Variants in SMOC2 observed in about 807,000 individuals in gnomAD.
SMOC2 encodes the protein SPARC related modular calcium binding 2.
A neutral mutation model predicts 61.4 loss-of-function variants in SMOC2; 39 were observed. That is an observed-to-expected ratio of 0.64 (90% CI 0.49 to 0.83). The LOEUF (loss-of-function observed/expected upper bound fraction) is 0.83, where lower values mean the gene tolerates loss of function less well. SMOC2 is among the 40% of genes least tolerant of loss of function. The pLI is 0.00. For missense variants in SMOC2, 556 were observed against 592.9 expected, an observed-to-expected ratio of 0.94 and a Z score of 0.65; for synonymous variants, 247 against 239.9, an observed-to-expected ratio of 1.03 and a Z score of -0.27.
At chr6:168,664,310 C>A in intron 12 of SMOC2, 199 bp downstream of exon 12, 1 of 600,008 alleles carries the variant, frequency 1.7e-6, no homozygotes, top group Non-Finnish European at 3.0e-6. Context: ...AAATCACCAA[C>A]TTGTTTGAAA....
At chr6:168,524,280 AG>A (rs949012312) in intron 2 of SMOC2, among the ~76,000 whole-genome samples, 1 of 152,256 alleles carries the variant, frequency 6.6e-6, no homozygotes, top group Non-Finnish European at 1.5e-5. Flanking sequence ...TTACTTCATA[AG>A]ATGACTGCAG....
chr6:168,637,594 G>A (rs961328860), intron 9 of SMOC2, among the ~76,000 whole-genome samples: 13 of 152,188 alleles, frequency 8.5e-5, no homozygotes, highest in African/African-American at 1.4e-4. Context: ...GAATGTTTGC[G>A]TTTTCCTTTG....
rs894132590 is a variant in SMOC2 at position 168,566,638 on chromosome 6, C to T, written c.637+17435C>T. 2.6e-5 allele frequency among the ~76,000 whole-genome samples: 4 copies of T among 152,092 alleles called. No individual in the cohort carries two copies. The East Asian group carries it at 7.7e-4, about 29-fold the overall frequency. ...CTGGGACTACAGGCACGTGGCACCA[C>T]ACCCGGCCAATTTTTTGTATTTTTA... On this transcript the variant is annotated intron_variant, in intron 7 of 12. Coordinates refer to ENST00000356284, the MANE Select transcript of SMOC2 (RefSeq NM_001166412.2).
intron 1 of SMOC2, among the ~76,000 whole-genome samples, chr6:168,460,712 A>AC (rs1781702056): frequency 1.3e-5 from 2 of 152,206 alleles, no homozygotes; most frequent in African/African-American, 4.8e-5. Context: ...ACATTTTAAC[A>AC]TTGAAGTTGA....
chr6:168,519,341 A>G (rs1358979607), intron 2 of SMOC2, among the ~76,000 whole-genome samples: 4 of 152,134 alleles, frequency 2.6e-5, no homozygotes, highest in African/African-American at 9.7e-5. Context: ...CCCTGGCTCC[A>G]CCCTTTCCAG....
At chr6:168,663,462 C>T (rs1162577661) in intron 11 of SMOC2, among the ~76,000 whole-genome samples, 2 of 152,202 alleles carry the variant, frequency 1.3e-5, no homozygotes, top group Non-Finnish European at 2.9e-5. Flanking sequence ...ACCCCAGGGA[C>T]GTGAATCCCC....
chr6:168,601,521 C>A (rs955554304), intron 8 of SMOC2, among the ~76,000 whole-genome samples: 14 of 152,146 alleles, frequency 9.2e-5, no homozygotes, highest in African/African-American at 2.7e-4. Context: ...AGTTTCTGTG[C>A]CTAGGTATAG....
At chr6:168,605,406 T>C (rs376014208) in intron 8 of SMOC2, among the ~76,000 whole-genome samples, 7 of 152,268 alleles carry the variant, frequency 4.6e-5, no homozygotes, top group African/African-American at 1.2e-4. Flanking sequence ...TTTTTCCTTA[T>C]ACAAATAAGT....
chr6:168,457,472 C>T (rs574477870), intron 1 of SMOC2, among the ~76,000 whole-genome samples: 39 of 152,310 alleles, frequency 2.6e-4, no homozygotes, highest in South Asian at 6.2e-4. Context: ...TTGTGTTTCC[C>T]GTCGGGTGCC....
intron 9 of SMOC2, among the ~76,000 whole-genome samples, chr6:168,624,563 CAT>C (rs1361338158): frequency 7.3e-6 from 1 of 136,106 alleles, no homozygotes; most frequent in Admixed American, 7.5e-5. Flanking sequence ...CACACACTGA[CAT>C]ACAGAAACAC....
chr6:168,531,328 C>T (rs1454678803), intron 4 of SMOC2, among the ~76,000 whole-genome samples: 2 of 152,180 alleles, frequency 1.3e-5, no homozygotes, highest in African/African-American at 4.8e-5. Context: ...CTTTTGTGCA[C>T]TTTTCTGTAT....
At chr6:168,540,568 G>A (rs1783854914) in intron 4 of SMOC2, among the ~76,000 whole-genome samples, 1 of 152,172 alleles carries the variant, frequency 6.6e-6, no homozygotes, top group African/African-American at 2.4e-5. Flanking sequence ...GGAGCTAGGA[G>A]GGAGGGACGT....
At chr6:168,577,309 T>C (rs1246890949) in intron 7 of SMOC2, among the ~76,000 whole-genome samples, 3 of 152,136 alleles carry the variant, frequency 2.0e-5, no homozygotes, top group Non-Finnish European at 4.4e-5. Context: ...CTCTCTCTCG[T>C]CTCATCTCTG....
At chr6:168,566,140 C>G (rs1395132361) in intron 7 of SMOC2, among the ~76,000 whole-genome samples, 2 of 152,140 alleles carry the variant, frequency 1.3e-5, no homozygotes, top group African/African-American at 4.8e-5. Flanking sequence ...GCGTCTACCA[C>G]CTTGGCCGGC....
At chr6:168,664,003 A>G in intron 11 of SMOC2, 71 bp from the exon 12 acceptor site, 1 of 1,341,396 alleles carries the variant, frequency 7.5e-7, no homozygotes, top group Non-Finnish European at 1.0e-6. Flanking sequence ...CTCCTTCCTG[A>G]AATTGTGTTG....
Position 168,540,772 on chromosome 6 carries a change from C to T in SMOC2, c.464-2853C>T, listed in dbSNP as rs149683493. ...TTGCTGTTCCCTTTTCTTTTTCTCT[C>T]GCCTCCCTCATCTGATGCTGTAAAC... On this transcript the variant is annotated intron_variant, in intron 4 of 12. Transcript: ENST00000356284. Among the ~76,000 whole-genome samples the T allele has an allele frequency of 2.8e-3, 433 of 152,238 alleles. 4 individuals carry two copies. The highest frequency in any genetic ancestry group is 0.01 in the Middle Eastern group (3 of 294).
intron 11 of SMOC2, 135 bp downstream of exon 11, chr6:168,653,363 TG>T: frequency 9.5e-7 from 1 of 1,054,074 alleles, no homozygotes; most frequent in Non-Finnish European, 1.4e-6. Flanking sequence ...GTTTAATTGT[TG>T]GGCGTCTGTT....
At chr6:168,548,975 G>T (rs1280404329) in intron 6 of SMOC2, among the ~76,000 whole-genome samples, 154 bp from the exon 7 acceptor site, 1 of 152,160 alleles carries the variant, frequency 6.6e-6, no homozygotes, top group Non-Finnish European at 1.5e-5. Flanking sequence ...TTCGTCTGAG[G>T]CATATAATCA....
intron 1 of SMOC2, among the ~76,000 whole-genome samples, chr6:168,464,427 G>T (rs1781784089): frequency 6.6e-6 from 1 of 152,154 alleles, no homozygotes; most frequent in Non-Finnish European, 1.5e-5. Context: ...CAGGAGGGCA[G>T]CCTGTCCGGT....
Sources: gnomAD v4.1 joint callset for allele counts (sites outside exome capture counted in the v4.1 genomes callset) on GRCh38, gnomAD v4.1.1 for gene constraint, MANE v1.5 for transcripts, NCBI Gene and HGNC (gene_info 2026-07-23, HGNC 2026-07-21) for gene names.